Variants in DOCK2 observed in about 807,000 individuals in gnomAD.
DOCK2 encodes the protein dedicator of cytokinesis protein 2.
Under a neutral mutation model 248.9 loss-of-function variants are expected in DOCK2, and 87 were observed. The observed-to-expected ratio is 0.35, with a 90% CI of 0.29 to 0.42. The LOEUF is 0.42. Among genes scored for constraint, DOCK2 ranks in the 10% least tolerant of loss-of-function variants. The pLI, the probability that DOCK2 is intolerant of heterozygous loss-of-function variation, is 1.00. For missense variants in DOCK2, 1,747 were observed against 2,300.2 expected (o/e 0.76, Z 4.92); for synonymous variants, 805 against 821.6 (o/e 0.98, Z 0.35).
At chr5:170,067,461 A>T in intron 44 of DOCK2, 49 bp from the exon 45 acceptor site, 1 of 1,573,866 alleles carries the variant, frequency 6.4e-7, no homozygotes, top group South Asian at 1.2e-5. Context: ...TCTGTTTTTA[A>T]AGTGACTTAA....
At chr5:169,868,015 C>G (rs186009433) in intron 27 of DOCK2, among the ~76,000 whole-genome samples, 2 of 152,278 alleles carry the variant, frequency 1.3e-5, no homozygotes, top group East Asian at 3.9e-4. Flanking sequence ...TAGCCCTGCC[C>G]TCCCTACTGT....
At chr5:169,737,134 G>C (rs539214853) in intron 22 of DOCK2, among the ~76,000 whole-genome samples, 15 of 152,332 alleles carry the variant, frequency 9.8e-5, no homozygotes, top group Admixed American at 6.5e-5. Flanking sequence ...ATACTTCTCT[G>C]AGGAAGTACC....
intron 27 of DOCK2, chr5:169,883,288 A>G: frequency 6.4e-7 from 1 of 1,551,454 alleles, no homozygotes; most frequent in Non-Finnish European, 8.7e-7. Context: ...ATCATCTGGA[A>G]CCTGAATGGC....
chr5:170,050,448 C>T, intron 41 of DOCK2, 51 bp downstream of exon 41: 1 of 1,561,428 alleles, frequency 6.4e-7, no homozygotes, highest in Non-Finnish European at 8.6e-7. Context: ...GCAGCCCTGC[C>T]AGGGCTGCAG....
chr5:169,692,222 G>T (rs1013466814), intron 9 of DOCK2, among the ~76,000 whole-genome samples: 2 of 152,116 alleles, frequency 1.3e-5, no homozygotes, highest in Admixed American at 1.3e-4. Flanking sequence ...ATACTACGAG[G>T]TTCCCTAAGA....
At chr5:170,075,296 C>G (rs1408822296) in intron 46 of DOCK2, 1 of 152,332 alleles carries the variant, frequency 6.6e-6, no homozygotes, top group East Asian at 1.9e-4. Flanking sequence ...ATCCACTGAC[C>G]TCCTATGGGG....
intron 30 of DOCK2, among the ~76,000 whole-genome samples, chr5:169,996,915 C>T (rs533789992): frequency 5.4e-4 from 82 of 152,114 alleles, no homozygotes; most frequent in Admixed American, 1.8e-3. Flanking sequence ...GGGTGTTTCT[C>T]GTAAGGTGGG....
At position 169,684,327 on chromosome 5, in the gene DOCK2, C is replaced by T. The variant is rs774562096; in HGVS notation, c.738C>T (p.Asp246=). 3.7e-6 allele frequency: 6 copies of T among 1,614,150 alleles called. No individual in the cohort carries two copies. Among genetic ancestry groups the T allele is most frequent in the Non-Finnish European group, 5.1e-6 (6 of 1,179,998 alleles). The change falls in exon 8 of 52, where the codon GAC becomes GAT. Residue 246 remains aspartate (D), a synonymous_variant. Coordinates refer to ENST00000520908, the MANE Select transcript of DOCK2 (RefSeq NM_004946.3). The stretch of plus-strand genomic sequence containing the variant: ...CTGAGCTCTTCATGTCTCTCTACGA[C>T]CCCAACAAGCAAACGGTCATAAGGT... The part of the protein sequence containing the change: ...EDAELFMSLY[D]PNKQTVISEN...
chr5:169,983,266 A>G, intron 28 of DOCK2, 100 bp downstream of exon 28: 8 of 1,246,270 alleles, frequency 6.4e-6, no homozygotes, highest in Non-Finnish European at 9.3e-6. Context: ...CACATAATCT[A>G]GATATGACTT....
At chr5:169,793,353 C>T (rs1766466201) in intron 25 of DOCK2, among the ~76,000 whole-genome samples, 1 of 152,174 alleles carries the variant, frequency 6.6e-6, no homozygotes, top group Non-Finnish European at 1.5e-5. Flanking sequence ...TGTCTTCTCT[C>T]CCCTGCACTG....
intron 27 of DOCK2, among the ~76,000 whole-genome samples, chr5:169,937,545 A>C (rs73800249): frequency 6.6e-6 from 1 of 152,250 alleles, no homozygotes; most frequent in African/African-American, 2.4e-5. Context: ...GATAATAGGA[A>C]CATATATTGA....
chr5:170,008,231 A>ACAAC (rs1561877911), intron 30 of DOCK2, among the ~76,000 whole-genome samples: 3 of 147,672 alleles, frequency 2.0e-5, no homozygotes, highest in Non-Finnish European at 4.5e-5. Flanking sequence ...ACAACAAAAA[A>ACAAC]AAAAAAACCT....
At chr5:169,900,003 T>G (rs1773830901) in intron 27 of DOCK2, among the ~76,000 whole-genome samples, 1 of 152,124 alleles carries the variant, frequency 6.6e-6, no homozygotes, top group South Asian at 2.1e-4. Flanking sequence ...CACTTCAGGG[T>G]CTCCAGCACT....
Position 169,672,638 on chromosome 5 carries a change from T to G in DOCK2, c.321+1464T>G, listed in dbSNP as rs114430860. 9.5e-3 allele frequency among the ~76,000 whole-genome samples: 1,443 copies of G among 152,260 alleles called. 21 individuals are homozygous for G. The highest frequency in any genetic ancestry group is 0.033 in the African/African-American group (1,360 of 41,544). On this transcript the variant is annotated intron_variant, in intron 5 of 51. Coordinates refer to ENST00000520908, the MANE Select transcript of DOCK2 (RefSeq NM_004946.3). Reference sequence around the variant, plus strand: ...TTCAACGCTGACTACCCAGGGTTACTGCCAGACTCCATGGGTTTAAAGCCT... The same window carrying G: ...TTCAACGCTGACTACCCAGGGTTACGGCCAGACTCCATGGGTTTAAAGCCT...
At chr5:169,699,341 G>C in intron 11 of DOCK2, 41 bp from the exon 12 acceptor site, 1 of 1,597,292 alleles carries the variant, frequency 6.3e-7, no homozygotes, top group Non-Finnish European at 8.6e-7. Context: ...AACGCAAGGA[G>C]GACACGATGT....
chr5:169,640,146 A>G (rs1020378701), intron 1 of DOCK2, among the ~76,000 whole-genome samples: 4 of 152,216 alleles, frequency 2.6e-5, no homozygotes, highest in African/African-American at 9.7e-5. Flanking sequence ...TTATCTCCGA[A>G]TATGCACTTA....
rs569671710 is a variant in DOCK2 at position 169,717,470 on chromosome 5, G to T, written c.2118G>T (p.Ala706=). ...CTTACATCCAACAGCATTTCAGTGC[G>T]ACCTTGGCTTACAAGTAAGTAATTG... ...LEAYIQQHFS[A]TLAYKKLMTV... Residue 706 remains alanine (A), a synonymous_variant, in exon 21 of 52, where the codon GCG becomes GCT. Transcript: ENST00000520908. 1 of 1,613,668 alleles carries T rather than the reference G, an allele frequency of 6.2e-7. No individual in the cohort carries two copies.
At chr5:169,916,553 T>C (rs1330766530) in intron 27 of DOCK2, among the ~76,000 whole-genome samples, 1 of 152,186 alleles carries the variant, frequency 6.6e-6, no homozygotes, top group Admixed American at 6.5e-5. Flanking sequence ...GTGCCTCCCT[T>C]ATTTATAAAG....
chr5:169,959,588 G>A (rs1353984332), intron 27 of DOCK2, among the ~76,000 whole-genome samples: 2 of 152,152 alleles, frequency 1.3e-5, no homozygotes, highest in Non-Finnish European at 2.9e-5. Context: ...TGCAAGCAGA[G>A]GTCACTGAAT....
Sources: gnomAD v4.1 joint callset for allele counts (sites outside exome capture counted in the v4.1 genomes callset) on GRCh38, gnomAD v4.1.1 for gene constraint, MANE v1.5 for transcripts, NCBI Gene and HGNC (gene_info 2026-07-23, HGNC 2026-07-21) for gene names.